The following AGO4 variants were observed in gnomAD, a reference collection of about 807,000 sequenced individuals.
AGO4 encodes the protein protein argonaute-4.
Under a neutral mutation model 104.7 loss-of-function variants are expected in AGO4, and 33 were observed. The observed-to-expected ratio is 0.32, with a 90% CI of 0.24 to 0.42. The LOEUF is 0.42. Ranked by LOEUF, AGO4 falls within the 10% of genes least tolerant of loss-of-function variation. The pLI is 1.00. For missense variants in AGO4, 711 were observed against 1,083.4 expected, an observed-to-expected ratio of 0.66 and a Z score of 4.83; for synonymous variants, 331 against 364.7, an observed-to-expected ratio of 0.91 and a Z score of 1.05.
At chr1:35,837,728 T>G (rs866497162) in intron 13 of AGO4, among the ~76,000 whole-genome samples, 8 of 151,976 alleles carry the variant, frequency 5.3e-5, no homozygotes, top group Non-Finnish European at 8.8e-5. Flanking sequence ...GCTCATTTTT[T>G]TATATTGGGT....
rs1015091371 is a variant in AGO4 at position 35,857,680 on chromosome 1, G to A, written c.*4075G>A. ...TCTTGTGCCAAAAGTTGTTTTTCCT[G>A]TCAATTGTCTAATAAGTATGCAGTA... is the stretch of plus-strand genomic sequence containing the variant. On this transcript the variant is annotated 3_prime_UTR_variant, in exon 18 of 18. Transcript: ENST00000373210. 6.6e-6 allele frequency: 1 copy of A among 152,094 alleles called. No homozygotes were observed. Among genetic ancestry groups the A allele is most frequent in the Non-Finnish European group, 1.5e-5 (1 of 68,010 alleles). 9.4% of individuals were successfully genotyped at this position (152,094 alleles called of 1,614,324 possible). A position where few individuals can be genotyped will look rare whatever the true frequency, so the allele number is the denominator to read the frequency against.
At position 35,853,485 on chromosome 1, in the gene AGO4, T is replaced by C; in HGVS notation, c.2478-12T>C. On this transcript the variant is annotated splice_polypyrimidine_tract_variant and intron_variant, in intron 17 of 17. Coordinates refer to ENST00000373210, the MANE Select transcript of AGO4 (RefSeq NM_017629.4). ...TTTTGCTTTGTTTTGTTTTGTTTTA[T>C]TCTCTTTACAGTGCGGAAGGCAGTC... The C allele has an allele frequency of 1.3e-6, 2 of 1,586,738 alleles. No individual in the cohort carries two copies. Among genetic ancestry groups the C allele is most frequent in the South Asian group, 1.2e-5 (1 of 86,486 alleles).
In AGO4 at chr1:35,841,310, C is replaced by T; in HGVS notation, c.1870C>T (p.Gln624Ter). The part of the protein sequence containing the change: ...PSRYCATVRV[Q>*]TSRQEISQEL... ...CCGGTACTGTGCCACCGTTCGGGTG[C>T]AGACTTCCCGGCAGGAGATCTCCCA... Residue 624 changes from glutamine to a stop codon, truncating the protein, a stop_gained, in exon 14 of 18, where the codon CAG becomes TAG. Transcript: ENST00000373210. LOFTEE classifies it high-confidence loss of function. This position sits in a 1 kb window ranked among gnomAD's most constrained non-coding sequence, Gnocchi z 4.7. The T allele has an allele frequency of 6.2e-7, 1 of 1,614,186 alleles. No individual in the cohort carries two copies. Among genetic ancestry groups the T allele is most frequent in the East Asian group, 2.2e-5 (1 of 44,884 alleles).
At chr1:35,822,533 C>T (rs139140696) in intron 2 of AGO4, among the ~76,000 whole-genome samples, 1,907 of 152,200 alleles carry the variant, frequency 0.013, 21 homozygotes, top group Middle Eastern at 0.034. Context: ...GGATTACAGC[C>T]GTGAGCCACC....
At position 35,841,460 on chromosome 1, in the gene AGO4, T is replaced by A. The variant is rs1644440176; in HGVS notation, c.2020T>A (p.Ser674Thr). Residue 674 changes from serine to threonine, a missense_variant, in exon 14 of 18, where the codon TCT becomes ACT. This residue lies in a region of AGO4 where 401 missense variants were observed against 665.5 expected (regional missense o/e 0.60). Coordinates refer to ENST00000373210, the MANE Select transcript of AGO4 (RefSeq NM_017629.4). The surrounding 1 kb of genome is among the most constrained non-coding windows in gnomAD (Gnocchi z 4.7). ...GATCATCTATTACCGTGGAGGGGTA[T>A]CTGAGGGACAAATGAAACAGGTACT... is the stretch of plus-strand genomic sequence containing the variant. Reference protein sequence around the residue: ...TRIIYYRGGVSEGQMKQVAWP... With the variant: ...TRIIYYRGGVTEGQMKQVAWP... The A allele has an allele frequency of 6.2e-7, 1 of 1,612,732 alleles. No homozygotes were observed. The highest frequency in any genetic ancestry group is 8.5e-7 in the Non-Finnish European group (1 of 1,178,766).
chr1:35,817,831 T>A (rs1643759219), intron 2 of AGO4, among the ~76,000 whole-genome samples: 1 of 152,204 alleles, frequency 6.6e-6, no homozygotes, highest in Admixed American at 6.6e-5. Flanking sequence ...GTAAACCCAT[T>A]ATTGGCTATT....
Position 35,854,230 on chromosome 1 carries a change from A to G in AGO4, c.*625A>G, listed in dbSNP as rs541470090. On this transcript the variant is annotated 3_prime_UTR_variant, in exon 18 of 18. Coordinates refer to ENST00000373210, the MANE Select transcript of AGO4 (RefSeq NM_017629.4). Reference sequence around the variant, plus strand: ...AAGTACATGCTGACAGGCAATTTGCACTATATTTGGCTGCAGATTCAAATA... The same window carrying G: ...AAGTACATGCTGACAGGCAATTTGCGCTATATTTGGCTGCAGATTCAAATA... 6.5e-6 allele frequency: 1 copy of G among 152,750 alleles called. No individual in the cohort carries two copies. The highest frequency in any genetic ancestry group is 1.9e-4 in the East Asian group (1 of 5,184). The allele number at this position is 152,750 out of a possible 1,614,324, so 9.5% of individuals were successfully genotyped here.
chr1:35,811,793 T>G (rs1478940868), intron 1 of AGO4, among the ~76,000 whole-genome samples: 1 of 151,874 alleles, frequency 6.6e-6, no homozygotes, highest in Non-Finnish European at 1.5e-5. Flanking sequence ...AGAGACGGGG[T>G]TTCACCATCT....
chr1:35,841,821 T>TATATATATAC lies in AGO4; in HGVS notation c.2175+80_2175+81insCATATATATA. 1 of 803,976 alleles carries TATATATATAC rather than the reference T, an allele frequency of 1.2e-6. No homozygotes were observed. 49.8% of individuals were successfully genotyped at this position (803,976 alleles called of 1,614,324 possible). Reference sequence around the variant, plus strand: ...AGATGTATATATGCACATATATATATATATATATATATATATACACCATTT... The same window carrying TATATATATAC: ...AGATGTATATATGCACATATATATATATATATATACATATATATATATATATACACCATTT... On this transcript the variant is annotated intron_variant, in intron 15 of 17. Transcript: ENST00000373210. The surrounding 1 kb of genome is among the most constrained non-coding windows in gnomAD (Gnocchi z 4.7).
chr1:35,817,821 G>A (rs537413303), intron 2 of AGO4, among the ~76,000 whole-genome samples: 322 of 152,176 alleles, frequency 2.1e-3, no homozygotes, highest in Non-Finnish European at 3.5e-3. Flanking sequence ...TCATTCTCTT[G>A]TAAACCCATT....
At chr1:35,848,654 G>C (rs965759506) in intron 15 of AGO4, among the ~76,000 whole-genome samples, 1 of 150,296 alleles carries the variant, frequency 6.7e-6, no homozygotes, top group African/African-American at 2.4e-5. Flanking sequence ...TTTTTTTTAA[G>C]GGTAAAATAA....
intron 13 of AGO4, among the ~76,000 whole-genome samples, chr1:35,840,535 G>A (rs942851234): frequency 1.3e-5 from 2 of 152,114 alleles, no homozygotes; most frequent in African/African-American, 2.4e-5. Flanking sequence ...CTGACCTCAG[G>A]TGATCCTCCT....
rs116498100 is a variant in AGO4 at position 35,820,042 on chromosome 1, A to G, written c.186-2820A>G. On this transcript the variant is annotated intron_variant, in intron 2 of 17. Transcript: ENST00000373210. Reference sequence around the variant, plus strand: ...AGGCGATGAGGAAGTATCAGCAGGAAGATTGGCATGGAGAGACCACTGGGA... The same window carrying G: ...AGGCGATGAGGAAGTATCAGCAGGAGGATTGGCATGGAGAGACCACTGGGA... Among the ~76,000 whole-genome samples the G allele has an allele frequency of 2.4e-3, 361 of 152,298 alleles. 1 individual carries two copies. The highest frequency in any genetic ancestry group is 5.2e-3 in the Admixed American group (79 of 15,282).
At chr1:35,825,843 A>C in intron 5 of AGO4, 28 bp downstream of exon 5, 4 of 1,589,288 alleles carry the variant, frequency 2.5e-6, no homozygotes, top group Non-Finnish European at 3.4e-6. Context: ...TTATCCAATA[A>C]CTCTTTGGGC....
chr1:35,852,432 C>T (rs1305028301), intron 17 of AGO4, among the ~76,000 whole-genome samples: 1 of 152,136 alleles, frequency 6.6e-6, no homozygotes, highest in Non-Finnish European at 1.5e-5. Context: ...TGTTGTTACT[C>T]CGAAAGACCA....
chr1:35,855,715 G>A lies in AGO4; in HGVS notation c.*2110G>A, dbSNP rs11263829. The stretch of plus-strand genomic sequence containing the variant: ...AATACAAATCAGGACATGTTGGTGA[G>A]GGGCTGGCTGCTTGGCTGCTGCTTT... On this transcript the variant is annotated 3_prime_UTR_variant, in exon 18 of 18. Transcript: ENST00000373210. 6.6e-6 allele frequency: 1 copy of A among 150,856 alleles called. No homozygotes were observed. Among genetic ancestry groups the A allele is most frequent in the Non-Finnish European group, 1.5e-5 (1 of 67,932 alleles). The allele number at this position is 150,856 out of a possible 1,614,324, so 9.3% of individuals were successfully genotyped here.
At chr1:35,849,518 CA>C (rs754902083) in intron 15 of AGO4, among the ~76,000 whole-genome samples, 2,176 of 59,412 alleles carry the variant, frequency 0.037, 52 homozygotes, top group African/African-American at 0.11. Flanking sequence ...CCCCGTGTCT[CA>C]AAAAAAAAAA....
Position 35,808,754 on chromosome 1 carries a change from C to A in AGO4, c.19+319C>A, listed in dbSNP as rs1014048714. Reference sequence around the variant, plus strand: ...GGGGTCGCGACGAGGGTAGTTTGGGCCTCAGAAGGGGGCGATCCGCTACCC... The same window carrying A: ...GGGGTCGCGACGAGGGTAGTTTGGGACTCAGAAGGGGGCGATCCGCTACCC... On this transcript the variant is annotated intron_variant, in intron 1 of 17. Coordinates refer to ENST00000373210, the MANE Select transcript of AGO4 (RefSeq NM_017629.4). The surrounding 1 kb of genome is among the most constrained non-coding windows in gnomAD (Gnocchi z 5.2). Among the ~76,000 whole-genome samples the A allele has an allele frequency of 2.0e-5, 3 of 152,178 alleles. No individual in the cohort carries two copies. The highest frequency in any genetic ancestry group is 2.0e-4 in the Admixed American group (3 of 15,288).
chr1:35,841,433 C>G lies in AGO4; in HGVS notation c.1993C>G (p.Arg665Gly). 1 of 1,614,154 alleles carries G rather than the reference C, an allele frequency of 6.2e-7. No homozygotes were observed. Among genetic ancestry groups the G allele is most frequent in the East Asian group, 2.2e-5 (1 of 44,884 alleles). Residue 665 changes from arginine to glycine, a missense_variant, in exon 14 of 18, where the codon CGG (arginine) becomes GGG (glycine). Arg to Gly is a moderately radical substitution (Grantham distance 125). Around this residue, in one of 3 missense-constraint regions of AGO4, gnomAD observed 401 missense variants for 665.5 expected, o/e 0.60. Transcript: ENST00000373210. The surrounding 1 kb of genome is among the most constrained non-coding windows in gnomAD (Gnocchi z 4.7). The part of the protein sequence containing the change: ...FYKSTRFKPT[R>G]IIYYRGGVSE... ...CAAATCCACACGCTTCAAACCCACT[C>G]GGATCATCTATTACCGTGGAGGGGT...
Sources: allele counts gnomAD v4.1 joint callset (sites outside exome capture counted in the v4.1 genomes callset), GRCh38; gene constraint gnomAD v4.1.1; regional missense constraint gnomAD v4.1.1; non-coding constraint Gnocchi (gnomAD v3.1); transcripts MANE v1.5; gene names NCBI Gene and HGNC (gene_info 2026-07-23, HGNC 2026-07-21).